Variants in ENTPD1 observed in about 807,000 individuals in gnomAD.
ENTPD1 encodes the protein ectonucleoside triphosphate diphosphohydrolase 1.
ENTPD1 carries 33 observed loss-of-function variants against 57.0 expected under a neutral mutation model. The ratio of observed to expected loss-of-function variants is 0.58; its 90% confidence interval spans 0.44 to 0.77. The LOEUF (loss-of-function observed/expected upper bound fraction) is 0.77. ENTPD1 is among the 30% of genes least tolerant of loss of function. The pLI is 0.00. For synonymous variants in ENTPD1, 202 were observed against 218.8 expected (o/e 0.92, Z 0.68); for missense variants, 501 against 603.4 (o/e 0.83, Z 1.78).
At chr10:95,722,630 A>G (rs560206778) in intron 1 of ENTPD1, among the ~76,000 whole-genome samples, 59 of 112,882 alleles carry the variant, frequency 5.2e-4, no homozygotes, top group Admixed American at 1.0e-3. Context: ...GGAACATCAC[A>G]CTCTGGGGAC....
At chr10:95,739,123 A>G (rs1448807557) in intron 1 of ENTPD1, among the ~76,000 whole-genome samples, 2 of 152,258 alleles carry the variant, frequency 1.3e-5, no homozygotes, top group African/African-American at 4.8e-5. Flanking sequence ...GCTAATGATC[A>G]TCTAAACCTT....
chr10:95,751,095 T>C (rs185013679), upstream of ENTPD1, among the ~76,000 whole-genome samples: 502 of 152,246 alleles, frequency 3.3e-3, 2 homozygotes, highest in African/African-American at 0.011. Flanking sequence ...GTTTTTGGAG[T>C]GCAGGAAGCC....
At chr10:95,789,048 A>G (rs538986154) in intron 1 of ENTPD1, among the ~76,000 whole-genome samples, 1 of 152,344 alleles carries the variant, frequency 6.6e-6, no homozygotes, top group South Asian at 2.1e-4. Flanking sequence ...GAACATGAAC[A>G]GGAAGAGGAA....
chr10:95,707,298 C>A (rs2097962939), upstream of ENTPD1, among the ~76,000 whole-genome samples: 1 of 152,180 alleles, frequency 6.6e-6, no homozygotes, highest in African/African-American at 2.4e-5. Flanking sequence ...GAGGGTGGAG[C>A]TTCTACCTGC....
At chr10:95,730,678 T>TA (rs1381476117) in intron 1 of ENTPD1, among the ~76,000 whole-genome samples, 4 of 152,224 alleles carry the variant, frequency 2.6e-5, no homozygotes, top group Non-Finnish European at 5.9e-5. Context: ...ATTCTTATTT[T>TA]AAAAAAGATA....
intron 1 of ENTPD1, among the ~76,000 whole-genome samples, chr10:95,731,686 G>T (rs2097989234): frequency 6.6e-6 from 1 of 151,834 alleles, no homozygotes; most frequent in African/African-American, 2.4e-5. Flanking sequence ...TTTCCCAGGG[G>T]GTCCCTATCA....
At chr10:95,842,535 G>C in intron 4 of ENTPD1, 41 bp downstream of exon 4, 1 of 1,596,586 alleles carries the variant, frequency 6.3e-7, no homozygotes. Flanking sequence ...TGGGAGTTAG[G>C]CTTGGCAGTG....
intron 1 of ENTPD1, among the ~76,000 whole-genome samples, chr10:95,764,268 T>C (rs1168946457): frequency 6.6e-6 from 1 of 152,240 alleles, no homozygotes; most frequent in African/African-American, 2.4e-5. Context: ...CCATTGAATG[T>C]ATATACCACA....
intron 1 of ENTPD1, among the ~76,000 whole-genome samples, chr10:95,797,378 C>T (rs777276780): frequency 2.6e-5 from 4 of 152,044 alleles, no homozygotes; most frequent in South Asian, 2.1e-4. Flanking sequence ...CAGGGAATCA[C>T]GGCCATAAAG....
intron 2 of ENTPD1, among the ~76,000 whole-genome samples, chr10:95,835,212 TA>T (rs769222244): frequency 5.9e-5 from 9 of 152,254 alleles, no homozygotes; most frequent in Non-Finnish European, 7.3e-5. Flanking sequence ...GTTCCTGTGT[TA>T]ATTCGCTTAG....
chr10:95,722,004 C>T (rs2097978007), intron 1 of ENTPD1, among the ~76,000 whole-genome samples: 1 of 152,132 alleles, frequency 6.6e-6, no homozygotes, highest in African/African-American at 2.4e-5. Context: ...ACCCAGTTGC[C>T]CCATCAAGAT....
chr10:95,810,207 C>T (rs2140434982), intron 1 of ENTPD1, among the ~76,000 whole-genome samples: 1 of 148,088 alleles, frequency 6.8e-6, no homozygotes, highest in East Asian at 2.1e-4. Flanking sequence ...TCCTCACATC[C>T]CAGACGGGGT....
intron 1 of ENTPD1, among the ~76,000 whole-genome samples, chr10:95,722,073 C>T (rs1389236296): frequency 6.6e-6 from 1 of 152,060 alleles, no homozygotes; most frequent in Non-Finnish European, 1.5e-5. Flanking sequence ...GTGTAGGTAA[C>T]ATTTTGAGTC....
chr10:95,731,269 G>T lies in ENTPD1; in HGVS notation c.37+19276G>T, dbSNP rs569490578. Among the ~76,000 whole-genome samples, 6 of 152,270 alleles carry T rather than the reference G, an allele frequency of 3.9e-5. No homozygotes were observed. The South Asian group carries it at 1.2e-3, about 32-fold the overall frequency. Reference sequence around the variant, plus strand: ...GACCGGCCAGAGTGAACTGCATCAGGGGGCTTCTGGTTAGGTTCAGCAGGA... The same window carrying T: ...GACCGGCCAGAGTGAACTGCATCAGTGGGCTTCTGGTTAGGTTCAGCAGGA... On this transcript the variant is annotated intron_variant, in intron 1 of 9. Coordinates refer to the ENTPD1 transcript ENST00000453258.
chr10:95,725,956 T>C (rs1043467842), intron 1 of ENTPD1, among the ~76,000 whole-genome samples: 8 of 152,276 alleles, frequency 5.3e-5, no homozygotes, highest in African/African-American at 9.6e-5. Flanking sequence ...CACCTTGGGT[T>C]GAGCCTGCCC....
At position 95,869,542 on chromosome 10, in the gene ENTPD1, G is replaced by A; in HGVS notation, c.*3159G>A. On this transcript the variant is annotated 3_prime_UTR_variant, in exon 10 of 10. Transcript: ENST00000371205. ...TGGGATTACAGGAGTGAGCCACCAT[G>A]CCTGGCCAGAAGTGGTTACTTCTGT... The A allele has an allele frequency of 1.0e-6, 1 of 985,178 alleles. No homozygotes were observed. The highest frequency in any genetic ancestry group is 1.2e-6 in the Non-Finnish European group (1 of 829,872). 61.0% of individuals were successfully genotyped at this position (985,178 alleles called of 1,614,324 possible).
chr10:95,715,477 T>A (rs2097970493), intron 1 of ENTPD1, among the ~76,000 whole-genome samples: 1 of 151,654 alleles, frequency 6.6e-6, no homozygotes, highest in Non-Finnish European at 1.5e-5. Context: ...AGTTAGATCT[T>A]GTTTTTTTTT....
At chr10:95,751,601 G>C (rs2098012097), upstream of ENTPD1, among the ~76,000 whole-genome samples, 1 of 152,036 alleles carries the variant, frequency 6.6e-6, no homozygotes, top group South Asian at 2.1e-4. Context: ...TGCAATCCCA[G>C]CTACTCAGGA....
intron 1 of ENTPD1, among the ~76,000 whole-genome samples, chr10:95,781,140 G>C (rs1020853299): frequency 6.6e-6 from 1 of 152,152 alleles, no homozygotes; most frequent in Non-Finnish European, 1.5e-5. Flanking sequence ...TATGTTAAGT[G>C]AAATAAGTCA....
Sources: allele counts gnomAD v4.1 joint callset (sites outside exome capture counted in the v4.1 genomes callset), GRCh38; gene constraint gnomAD v4.1.1; transcripts MANE v1.5; gene names NCBI Gene and HGNC (gene_info 2026-07-23, HGNC 2026-07-21).